MAK16: variants seen among roughly 807,000 people sequenced by gnomAD.
The protein encoded by MAK16 is MAK16 homolog.
MAK16 carries 12 observed loss-of-function variants against 49.9 expected under a neutral mutation model. That is an observed-to-expected ratio of 0.24 (90% CI 0.15 to 0.39). MAK16 has a LOEUF of 0.39. Among genes scored for constraint, MAK16 ranks in the 10% least tolerant of loss-of-function variants. The pLI is 1.00. For missense variants in MAK16, 292 were observed against 363.7 expected, an observed-to-expected ratio of 0.80 and a Z score of 1.60; for synonymous variants, 115 against 126.4, an observed-to-expected ratio of 0.91 and a Z score of 0.60.
rs1316609373 is a variant in MAK16, at chr8:33,489,981, G to C, written c.393-304G>C. ...CATGGTGAATGCCCTGAGAATCCCA[G>C]AATGCCTGAACAAAAATGGCCGGAT... On this transcript the variant is annotated intron_variant, in intron 5 of 9. Transcript: ENST00000360128. This position sits in a 1 kb window ranked among gnomAD's most constrained non-coding sequence, Gnocchi z 4.2. Among the ~76,000 whole-genome samples, 1 of 152,110 alleles carries C rather than the reference G, an allele frequency of 6.6e-6. No homozygotes were observed. The highest frequency in any genetic ancestry group is 1.5e-5 in the Non-Finnish European group (1 of 68,028).
intron 9 of MAK16, 113 bp from the exon 10 acceptor site, chr8:33,498,319 C>G: frequency 1.3e-6 from 1 of 749,696 alleles, no homozygotes; most frequent in Non-Finnish European, 2.0e-6. Context: ...TTTCTGAACA[C>G]AGACATAGAC....
chr8:33,498,461 T>A lies in MAK16; in HGVS notation c.735T>A (p.Asp245Glu). Residue 245 changes from aspartate (D) to glutamate (E), a missense_variant, in exon 10 of 10, where the codon GAT (aspartate) becomes GAA (glutamate). Coordinates refer to ENST00000360128, the MANE Select transcript of MAK16 (RefSeq NM_032509.4). ...TGGATAAACTGGATGCCAGCAGTGA[T>A]GAAGATCAGGATGGTAAATCCTCCA... is the stretch of plus-strand genomic sequence containing the variant. ...EDMDKLDASS[D>E]EDQDGKSSSE... 3.1e-6 allele frequency: 5 copies of A among 1,613,972 alleles called. No homozygotes were observed. In the South Asian group the frequency reaches 5.5e-5, roughly 18 times the overall value.
At position 33,488,982 on chromosome 8, in the gene MAK16, T is replaced by G. The variant is rs1320127877; in HGVS notation, c.241-6T>G. On this transcript the variant is annotated splice_polypyrimidine_tract_variant and splice_region_variant and intron_variant, in intron 4 of 9. Transcript: ENST00000360128. ...GCCCTTCAAACTTCCTGTTTCTGTT[T>G]GGTAGGTCCGGCTTAGTAAAAACTA... The G allele has an allele frequency of 3.1e-6, 5 of 1,614,048 alleles. No individual in the cohort carries two copies. Among genetic ancestry groups the G allele is most frequent in the Non-Finnish European group, 3.4e-6 (4 of 1,180,008 alleles).
intron 6 of MAK16, among the ~76,000 whole-genome samples, chr8:33,495,035 C>T (rs909577264): frequency 2.6e-5 from 4 of 152,176 alleles, no homozygotes; most frequent in Non-Finnish European, 5.9e-5. Flanking sequence ...CTTTCACTAT[C>T]AAATTAATGC....
intron 9 of MAK16, 27 bp from the exon 10 acceptor site, chr8:33,498,401 TCTTC>T: frequency 6.2e-7 from 1 of 1,602,824 alleles, no homozygotes; most frequent in Non-Finnish European, 8.5e-7. Context: ...GTGTTTTCCC[TCTTC>T]CTTTATCTTT....
chr8:33,495,463 C>G, intron 6 of MAK16, 79 bp from the exon 7 acceptor site: 1 of 1,203,638 alleles, frequency 8.3e-7, no homozygotes, highest in East Asian at 2.5e-5. Context: ...TTATAAACAA[C>G]TTGGTAGTTT....
chr8:33,500,473 A>C lies in MAK16; in HGVS notation c.*1844A>C, dbSNP rs1307986000. ...TTTCAAGAGGGCCTTCAGTAAGACC[A>C]CAAGTCTGCAGGAAACTCTGGAATC... On this transcript the variant is annotated 3_prime_UTR_variant, in exon 10 of 10. Coordinates refer to ENST00000360128, the MANE Select transcript of MAK16 (RefSeq NM_032509.4). The C allele has an allele frequency of 1.9e-6, 3 of 1,614,018 alleles. No homozygotes were observed. Among genetic ancestry groups the C allele is most frequent in the South Asian group, 1.1e-5 (1 of 91,088 alleles).
chr8:33,488,227 C>T (rs1409523959), intron 1 of MAK16, 151 bp from the exon 2 acceptor site: 1 of 888,516 alleles, frequency 1.1e-6, no homozygotes, highest in African/African-American at 1.7e-5. Flanking sequence ...CGTGCCCGGC[C>T]TTGCTGTTTG....
chr8:33,486,628 G>A (rs1456770183), intron 1 of MAK16, among the ~76,000 whole-genome samples: 1 of 152,196 alleles, frequency 6.6e-6, no homozygotes, highest in Non-Finnish European at 1.5e-5. Context: ...AAAAGAAATT[G>A]ATGAATTTGA....
At chr8:33,491,794 T>C (rs1037453928) in intron 6 of MAK16, among the ~76,000 whole-genome samples, 3 of 151,394 alleles carry the variant, frequency 2.0e-5, no homozygotes, top group African/African-American at 7.3e-5. Flanking sequence ...CCACCATGCC[T>C]GGCTAATTTT....
At chr8:33,486,611 G>A (rs1239373709) in intron 1 of MAK16, among the ~76,000 whole-genome samples, 1 of 152,130 alleles carries the variant, frequency 6.6e-6, no homozygotes, top group Non-Finnish European at 1.5e-5. Context: ...ATTTAATGGT[G>A]GAGATGAAAA....
At position 33,495,668 on chromosome 8, in the gene MAK16, G is replaced by A. The variant is rs755252187; in HGVS notation, c.522+52G>A. On this transcript the variant is annotated intron_variant, in intron 7 of 9. Coordinates refer to ENST00000360128, the MANE Select transcript of MAK16 (RefSeq NM_032509.4). The stretch of plus-strand genomic sequence containing the variant: ...CTGAAATTTTAAGTGGTAGTATGTT[G>A]CTAAGACATATTGGGAATTTTTTTT... 56 of 618,784 alleles carry A rather than the reference G, an allele frequency of 9.1e-5. 1 individual carries two copies. The South Asian group carries it at 9.5e-4, about 11-fold the overall frequency. 38.3% of individuals were successfully genotyped at this position (618,784 alleles called of 1,614,324 possible). A position where few individuals can be genotyped will look rare whatever the true frequency, so the allele number is the denominator to read the frequency against.
At chr8:33,495,415 A>G in intron 6 of MAK16, 127 bp from the exon 7 acceptor site, 1 of 731,964 alleles carries the variant, frequency 1.4e-6, no homozygotes, top group Non-Finnish European at 2.3e-6. Context: ...GGCAAAAGCC[A>G]GTATTAGCAA....
chr8:33,498,273 A>G (rs916410831), intron 9 of MAK16, among the ~76,000 whole-genome samples, 159 bp from the exon 10 acceptor site: 4 of 147,914 alleles, frequency 2.7e-5, no homozygotes, highest in Non-Finnish European at 4.5e-5. Context: ...CCCCGTCTCA[A>G]AAAAAAAAAA....
At chr8:33,490,929 C>G (rs748461391) in intron 6 of MAK16, among the ~76,000 whole-genome samples, 105 of 152,126 alleles carry the variant, frequency 6.9e-4, no homozygotes, top group Non-Finnish European at 1.4e-3. Context: ...ATCATCCCCA[C>G]CCCCATTACC....
chr8:33,499,050 A>G lies in MAK16; in HGVS notation c.*421A>G, dbSNP rs1808958450. 2.5e-6 allele frequency: 2 copies of G among 813,610 alleles called. No individual in the cohort carries two copies. Among genetic ancestry groups the G allele is most frequent in the Admixed American group, 4.2e-5 (2 of 48,040 alleles). The allele number at this position is 813,610 out of a possible 1,614,324, so 50.4% of individuals were successfully genotyped here. ...TTATGGAGGTAAAAGGAAAGGAAGG[A>G]AGGAAAAAGCAGCTTTCACTTACAA... On this transcript the variant is annotated 3_prime_UTR_variant, in exon 10 of 10. Coordinates refer to ENST00000360128, the MANE Select transcript of MAK16 (RefSeq NM_032509.4).
At chr8:33,495,401 G>T in intron 6 of MAK16, 141 bp from the exon 7 acceptor site, 1 of 668,298 alleles carries the variant, frequency 1.5e-6, no homozygotes. Flanking sequence ...TATCTCGTTG[G>T]AAAGGCAAAA....
rs199998381 is a variant in MAK16 at position 33,498,673 on chromosome 8, G to T, written c.*44G>T. 1,986 of 1,172,714 alleles carry T rather than the reference G, an allele frequency of 1.7e-3. No homozygotes were observed. Among genetic ancestry groups the T allele is most frequent in the South Asian group, 2.9e-3 (186 of 64,798 alleles). 72.6% of individuals were successfully genotyped at this position (1,172,714 alleles called of 1,614,324 possible). On this transcript the variant is annotated 3_prime_UTR_variant, in exon 10 of 10. Transcript: ENST00000360128. ...TACCCAGGACTGAACATGCAGAACT[G>T]TTTTTTTTTTTTTTTTATCTTAAAC... is the stretch of plus-strand genomic sequence containing the variant.
Position 33,489,018 on chromosome 8 carries a change from C to T in MAK16, c.271C>T (p.Leu91=). 6 of 1,614,146 alleles carry T rather than the reference C, an allele frequency of 3.7e-6. No individual in the cohort carries two copies. The highest frequency in any genetic ancestry group is 5.1e-6 in the Non-Finnish European group (6 of 1,180,022). ...GCTTAGTAAAAACTATGAGAAAGCACTGGAGCAAATAGATGAAAATCTGAT... is the reference window on the plus strand; with the variant it reads ...GCTTAGTAAAAACTATGAGAAAGCATTGGAGCAAATAGATGAAAATCTGAT... The part of the protein sequence containing the change: ...VRLSKNYEKA[L]EQIDENLIYW... Residue 91 remains leucine, a synonymous_variant, in exon 5 of 10, where the codon CTG becomes TTG. Coordinates refer to ENST00000360128, the MANE Select transcript of MAK16 (RefSeq NM_032509.4). The surrounding 1 kb of genome is among the most constrained non-coding windows in gnomAD (Gnocchi z 4.2).
Sources: gnomAD v4.1 joint callset for allele counts (sites outside exome capture counted in the v4.1 genomes callset) on GRCh38, gnomAD v4.1.1 for gene constraint, Gnocchi (gnomAD v3.1) non-coding constraint, MANE v1.5 for transcripts, NCBI Gene and HGNC (gene_info 2026-07-23, HGNC 2026-07-21) for gene names.